Variants in SBK1 observed in about 807,000 individuals in gnomAD.
The protein encoded by SBK1 is serine/threonine-protein kinase SBK1.
SBK1 carries 11 observed loss-of-function variants against 24.4 expected under a neutral mutation model. The observed-to-expected ratio is 0.45, with a 90% CI of 0.28 to 0.75. SBK1 has a LOEUF of 0.75. SBK1 is among the 30% of genes least tolerant of loss of function. The probability of loss-of-function intolerance (pLI) is 0.12; values close to 1 mark genes in which losing one functional copy is unlikely to be tolerated. For synonymous variants in SBK1, 308 were observed against 284.4 expected (o/e 1.08, Z -0.83); for missense variants, 467 against 620.5 (o/e 0.75, Z 2.63).
chr16:28,270,296 G>A (rs144765879), intron 1 of SBK1, among the ~76,000 whole-genome samples: 185 of 152,032 alleles, frequency 1.2e-3, no homozygotes, highest in South Asian at 0.011. Context: ...TCTTGATCTC[G>A]TGATCCACCC....
chr16:28,312,244 C>T lies in SBK1; in HGVS notation c.-7-5141C>T, dbSNP rs141665475. Among the ~76,000 whole-genome samples, 589 of 152,322 alleles carry T rather than the reference C, an allele frequency of 3.9e-3. 4 individuals are homozygous for T. The highest frequency in any genetic ancestry group is 0.017 in the East Asian group (89 of 5,182). On this transcript the variant is annotated intron_variant, in intron 1 of 3. Coordinates refer to ENST00000341901, the MANE Select transcript of SBK1 (RefSeq NM_001024401.3). ...AGTCCACACAGAAAGGGCCCAAGGA[C>T]GCGCAGGCCCCGGGGAGGCCTGCAC... is the stretch of plus-strand genomic sequence containing the variant.
chr16:28,309,512 A>C (rs1034392438), intron 1 of SBK1, among the ~76,000 whole-genome samples: 2 of 152,208 alleles, frequency 1.3e-5, no homozygotes, highest in Non-Finnish European at 2.9e-5. Flanking sequence ...ATGACTGCAC[A>C]GCCCTTTACG....
chr16:28,270,438 T>TTATTAC (rs1352521418), intron 1 of SBK1, among the ~76,000 whole-genome samples: 1 of 136,886 alleles, frequency 7.3e-6, no homozygotes, highest in East Asian at 2.3e-4. Flanking sequence ...ATTATTATTA[T>TTATTAC]TACTAAAGAC....
chr16:28,262,197 T>C (rs1001260025), intron 1 of SBK1, among the ~76,000 whole-genome samples: 2 of 152,152 alleles, frequency 1.3e-5, no homozygotes, highest in Non-Finnish European at 2.9e-5. Flanking sequence ...TGGGGTCACC[T>C]TGGGGGCTTA....
rs1250142110 is a variant in SBK1, at chr16:28,317,817, G to A, written c.226+200G>A. On this transcript the variant is annotated intron_variant, in intron 2 of 3. Coordinates refer to ENST00000341901, the MANE Select transcript of SBK1 (RefSeq NM_001024401.3). The surrounding 1 kb of genome is among the most constrained non-coding windows in gnomAD (Gnocchi z 4.2). ...AAGAGACTGGGCAGATGGGGCAAGG[G>A]AGGAATCCGGGGCAGAGTGGCCAGG... Among the ~76,000 whole-genome samples, 1 of 152,118 alleles carries A rather than the reference G, an allele frequency of 6.6e-6. No homozygotes were observed. Among genetic ancestry groups the A allele is most frequent in the East Asian group, 1.9e-4 (1 of 5,180 alleles).
Position 28,319,091 on chromosome 16 carries a change from C to T in SBK1, c.323C>T (p.Pro108Leu). ...ATCACCAACAGCCTCTCCTCCAGCC[C>T]CTTCATCATCAAGGTCTTTGACGTG... The part of the protein sequence containing the change: ...VSITNSLSSS[P>L]FIIKVFDVVF... The change falls in exon 3 of 4, where the codon CCC becomes CTC. Residue 108 changes from proline (P) to leucine (L), a missense_variant. Pro to Leu is a moderately conservative substitution (Grantham distance 98, BLOSUM62 -3). Transcript: ENST00000341901. This position sits in a 1 kb window ranked among gnomAD's most constrained non-coding sequence, Gnocchi z 4.0. 1 of 1,614,082 alleles carries T rather than the reference C, an allele frequency of 6.2e-7. No homozygotes were observed. The highest frequency in any genetic ancestry group is 8.5e-7 in the Non-Finnish European group (1 of 1,179,976).
Position 28,319,926 on chromosome 16 carries a change from G to A in SBK1, c.430-150G>A. ...ACAGCGGGGGAAAGGGCGCTCAGCA[G>A]CATCCGGGCCGCGTCTGCGCGGTCG... On this transcript the variant is annotated intron_variant, in intron 3 of 3. Transcript: ENST00000341901. This position sits in a 1 kb window ranked among gnomAD's most constrained non-coding sequence, Gnocchi z 4.0. 1.5e-6 allele frequency: 1 copy of A among 681,998 alleles called. No individual in the cohort carries two copies. Among genetic ancestry groups the A allele is most frequent in the Non-Finnish European group, 2.3e-6 (1 of 432,686 alleles). 42.2% of individuals were successfully genotyped at this position (681,998 alleles called of 1,614,324 possible).
chr16:28,316,071 C>T (rs1271419102), intron 1 of SBK1, among the ~76,000 whole-genome samples: 1 of 152,110 alleles, frequency 6.6e-6, no homozygotes, highest in Admixed American at 6.5e-5. Flanking sequence ...AGCCTAAATA[C>T]AATTTTTGAA....
At position 28,321,144 on chromosome 16, in the gene SBK1, C is replaced by G. The variant is rs2044842379; in HGVS notation, c.*223C>G. 1 of 357,368 alleles carries G rather than the reference C, an allele frequency of 2.8e-6. No individual in the cohort carries two copies. Among genetic ancestry groups the G allele is most frequent in the South Asian group, 4.4e-5 (1 of 22,772 alleles). The allele number at this position is 357,368 out of a possible 1,614,324, so 22.1% of individuals were successfully genotyped here. A position where few individuals can be genotyped will look rare whatever the true frequency, so the allele number is the denominator to read the frequency against. On this transcript the variant is annotated 3_prime_UTR_variant, in exon 4 of 4. Transcript: ENST00000341901. ...GAGCGGGGGCTTGGCCCAGAGGAGC[C>G]AAGCCGCACAGACCCGAGAATTCGG... is the stretch of plus-strand genomic sequence containing the variant.
chr16:28,265,578 C>T (rs2141558303), intron 1 of SBK1, among the ~76,000 whole-genome samples: 1 of 151,776 alleles, frequency 6.6e-6, no homozygotes, highest in Non-Finnish European at 1.5e-5. Flanking sequence ...AAGACCCTAT[C>T]TCTAAAAAAT....
chr16:28,320,071 C>G lies in SBK1; in HGVS notation c.430-5C>G. ...AACAGCGCGGCTTCCCCCGGCCGCC[C>G]GCAGGTGGGGCTCCCTGAGGACACG... On this transcript the variant is annotated splice_region_variant and splice_polypyrimidine_tract_variant and intron_variant, in intron 3 of 3. Transcript: ENST00000341901. This position sits in a 1 kb window ranked among gnomAD's most constrained non-coding sequence, Gnocchi z 8.5. The G allele has an allele frequency of 1.3e-6, 2 of 1,483,952 alleles. No homozygotes were observed. Among genetic ancestry groups the G allele is most frequent in the South Asian group, 1.3e-5 (1 of 74,512 alleles). 91.9% of individuals were successfully genotyped at this position (1,483,952 alleles called of 1,614,324 possible). A position where few individuals can be genotyped will look rare whatever the true frequency, so the allele number is the denominator to read the frequency against.
chr16:28,321,237 A>C lies in SBK1; in HGVS notation c.*316A>C. On this transcript the variant is annotated 3_prime_UTR_variant, in exon 4 of 4. Transcript: ENST00000341901. ...CACACACACACACACACACACACACACGCCAGGAGCAAGGGAGCTTTCGGG... is the reference window on the plus strand; with the variant it reads ...CACACACACACACACACACACACACCCGCCAGGAGCAAGGGAGCTTTCGGG... The C allele has an allele frequency of 6.8e-6, 1 of 147,622 alleles. No homozygotes were observed. The allele number at this position is 147,622 out of a possible 1,614,324, so 9.1% of individuals were successfully genotyped here.
intron 1 of SBK1, among the ~76,000 whole-genome samples, chr16:28,272,071 A>G (rs1003068778): frequency 1.3e-5 from 2 of 152,174 alleles, no homozygotes; most frequent in African/African-American, 4.8e-5. Flanking sequence ...TGTACAATAC[A>G]TGTATAATAC....
At chr16:28,305,252 T>G (rs1049689012) in intron 1 of SBK1, among the ~76,000 whole-genome samples, 2 of 151,778 alleles carry the variant, frequency 1.3e-5, no homozygotes, top group Non-Finnish European at 2.9e-5. Flanking sequence ...TTGCTCTTGT[T>G]GCCCAGGCTG....
chr16:28,318,163 C>T (rs924159407), intron 2 of SBK1, among the ~76,000 whole-genome samples: 1 of 152,124 alleles, frequency 6.6e-6, no homozygotes, highest in African/African-American at 2.4e-5. Flanking sequence ...AAACGAGACC[C>T]CAGGAGTCAT....
At chr16:28,299,338 A>G (rs2044663224) in intron 1 of SBK1, among the ~76,000 whole-genome samples, 3 of 152,212 alleles carry the variant, frequency 2.0e-5, no homozygotes, top group African/African-American at 7.2e-5. Flanking sequence ...GCAGAAAGGG[A>G]AAGTTAGCCC....
chr16:28,315,431 C>A (rs2044788023), intron 1 of SBK1, among the ~76,000 whole-genome samples: 1 of 152,042 alleles, frequency 6.6e-6, no homozygotes, highest in African/African-American at 2.4e-5. Flanking sequence ...GAAATGAAGG[C>A]CACGGATGGA....
intron 1 of SBK1, among the ~76,000 whole-genome samples, chr16:28,293,933 C>A (rs1249671994): frequency 6.6e-6 from 1 of 152,142 alleles, no homozygotes; most frequent in African/African-American, 2.4e-5. Flanking sequence ...TAAGTACCCC[C>A]CAAAGTGAGG....
At chr16:28,271,374 T>C (rs1247200579) in intron 1 of SBK1, among the ~76,000 whole-genome samples, 1 of 152,088 alleles carries the variant, frequency 6.6e-6, no homozygotes, top group African/African-American at 2.4e-5. Flanking sequence ...CTGGCCAACA[T>C]GGTGAAACCC....
Sources: allele counts gnomAD v4.1 joint callset (sites outside exome capture counted in the v4.1 genomes callset), GRCh38; gene constraint gnomAD v4.1.1; non-coding constraint Gnocchi (gnomAD v3.1); transcripts MANE v1.5; gene names NCBI Gene and HGNC (gene_info 2026-07-23, HGNC 2026-07-21).